EFCAB6: variants seen among roughly 807,000 people sequenced by gnomAD.
EFCAB6 encodes EF-hand calcium-binding domain-containing protein 6.
In EFCAB6, 156 loss-of-function variants were observed where a neutral mutation model predicts 169.8. The ratio of observed to expected loss-of-function variants is 0.92; its 90% CI spans 0.81 to 1.05. The LOEUF (loss-of-function observed/expected upper bound fraction) is 1.05, where lower values mean the gene tolerates loss of function less well. Ranked by LOEUF, EFCAB6 falls within the 50% of genes least tolerant of loss-of-function variation. EFCAB6 has a pLI of 0.00. For synonymous variants in EFCAB6, 698 were observed against 676.4 expected (o/e 1.03, Z -0.50); for missense variants, 1,800 against 1,829.1 (o/e 0.98, Z 0.29).
Position 43,547,723 on chromosome 22 carries a change from C to T in EFCAB6, c.3648+7146G>A, listed in dbSNP as rs144267687. Among the ~76,000 whole-genome samples the T allele has an allele frequency of 5.2e-3, 784 of 151,650 alleles. 3 individuals are homozygous for T. Among genetic ancestry groups the T allele is most frequent in the Middle Eastern group, 0.034 (10 of 292 alleles). On this transcript the variant is annotated intron_variant, in intron 27 of 31. Coordinates refer to ENST00000262726, the MANE Select transcript of EFCAB6 (RefSeq NM_022785.4). ...GAGGTTGTAGTGAGCCGTGATCATGCCACTGCACTCAAGCCTGGGGAAAAA... is the reference window on the plus strand; with the variant it reads ...GAGGTTGTAGTGAGCCGTGATCATGTCACTGCACTCAAGCCTGGGGAAAAA...
chr22:43,607,575 C>T (rs2053012801), intron 22 of EFCAB6, among the ~76,000 whole-genome samples: 1 of 152,224 alleles, frequency 6.6e-6, no homozygotes, highest in South Asian at 2.1e-4. Flanking sequence ...TGGAACTGAT[C>T]TTTAAAAAGT....
chr22:43,539,700 A>G (rs1310837798), intron 28 of EFCAB6, among the ~76,000 whole-genome samples: 1 of 152,222 alleles, frequency 6.6e-6, no homozygotes, highest in East Asian at 1.9e-4. Context: ...AGGGACCAAG[A>G]TCACATGAGA....
intron 17 of EFCAB6, among the ~76,000 whole-genome samples, chr22:43,656,800 GC>G (rs1467758443): frequency 1.5e-5 from 2 of 135,778 alleles, no homozygotes; most frequent in Non-Finnish European, 3.3e-5. Context: ...ATACCACATA[GC>G]TTAGCTGTGT....
intron 13 of EFCAB6, 74 bp downstream of exon 13, chr22:43,677,922 G>T: frequency 2.8e-6 from 4 of 1,409,384 alleles, no homozygotes; most frequent in Non-Finnish European, 3.9e-6. Flanking sequence ...TATTTCACTT[G>T]CATCTCTTAT....
intron 17 of EFCAB6, among the ~76,000 whole-genome samples, chr22:43,666,405 G>T (rs1475310130): frequency 6.6e-6 from 1 of 152,112 alleles, no homozygotes; most frequent in Non-Finnish European, 1.5e-5. Context: ...CCGGATGAAG[G>T]GGCCACTAAT....
intron 25 of EFCAB6, among the ~76,000 whole-genome samples, chr22:43,576,855 C>T (rs1384653826): frequency 6.6e-6 from 1 of 152,220 alleles, no homozygotes; most frequent in Non-Finnish European, 1.5e-5. Context: ...CTTGCTCAAG[C>T]TCTCTTGACC....
chr22:43,741,509 T>G (rs1313817986), intron 6 of EFCAB6, among the ~76,000 whole-genome samples: 1 of 152,202 alleles, frequency 6.6e-6, no homozygotes, highest in Non-Finnish European at 1.5e-5. Flanking sequence ...CTTGCTTCAT[T>G]TTTCTTCTTA....
chr22:43,674,082 G>T (rs1001047271), intron 13 of EFCAB6, among the ~76,000 whole-genome samples: 3 of 151,866 alleles, frequency 2.0e-5, no homozygotes, highest in Non-Finnish European at 2.9e-5. Context: ...TACAGTTTTT[G>T]AATATCAATT....
intron 10 of EFCAB6, among the ~76,000 whole-genome samples, chr22:43,698,461 C>A (rs914260342): frequency 6.6e-6 from 1 of 152,190 alleles, no homozygotes; most frequent in South Asian, 2.1e-4. Flanking sequence ...ATATCCCATG[C>A]AATATAGCCT....
intron 17 of EFCAB6, among the ~76,000 whole-genome samples, chr22:43,644,338 C>T (rs2056011823): frequency 6.6e-6 from 1 of 152,094 alleles, no homozygotes; most frequent in Non-Finnish European, 1.5e-5. Flanking sequence ...GGGGAACAAG[C>T]AGGGAGGAGG....
chr22:43,666,264 C>T (rs2057243054), intron 17 of EFCAB6, among the ~76,000 whole-genome samples: 2 of 152,160 alleles, frequency 1.3e-5, no homozygotes, highest in African/African-American at 4.8e-5. Context: ...TCAGTAGCTA[C>T]CTAATCCCAT....
chr22:43,789,549 C>T (rs2062199290), intron 2 of EFCAB6, among the ~76,000 whole-genome samples: 1 of 152,182 alleles, frequency 6.6e-6, no homozygotes, highest in Admixed American at 6.5e-5. Context: ...TGCTTACCAT[C>T]AGCCAGGCTC....
chr22:43,797,310 T>C (rs1363360343), intron 2 of EFCAB6: 3 of 152,586 alleles, frequency 2.0e-5, no homozygotes, highest in Non-Finnish European at 2.9e-5. Flanking sequence ...TGCTATTTCG[T>C]TTCATGCCCT....
chr22:43,569,067 G>A (rs759022760), intron 26 of EFCAB6, among the ~76,000 whole-genome samples: 4 of 152,186 alleles, frequency 2.6e-5, no homozygotes, highest in Non-Finnish European at 4.4e-5. Flanking sequence ...ACTTCCGGCA[G>A]AGCTTGCCTG....
chr22:43,811,301 G>A (rs1001645769), intron 1 of EFCAB6, among the ~76,000 whole-genome samples: 1 of 130,030 alleles, frequency 7.7e-6, no homozygotes, highest in East Asian at 2.8e-4. Flanking sequence ...CGAGGGGAGG[G>A]AAGGGGAGGG....
intron 10 of EFCAB6, among the ~76,000 whole-genome samples, chr22:43,700,921 T>C (rs890064463): frequency 3.7e-4 from 57 of 152,230 alleles, no homozygotes; most frequent in African/African-American, 1.4e-3. Flanking sequence ...AGAGCTACTA[T>C]AAATATTTGT....
intron 17 of EFCAB6, among the ~76,000 whole-genome samples, chr22:43,664,906 A>C (rs2057174953): frequency 6.6e-6 from 1 of 152,112 alleles, no homozygotes; most frequent in African/African-American, 2.4e-5. Flanking sequence ...GGGTGGAAGC[A>C]GGGAGGCAGT....
At chr22:43,725,134 CTTTT>C (rs33983375) in intron 8 of EFCAB6, among the ~76,000 whole-genome samples, 2 of 94,694 alleles carry the variant, frequency 2.1e-5, no homozygotes, top group Non-Finnish European at 4.1e-5. Flanking sequence ...GCCAAACTGG[CTTTT>C]TTTTTTTTTT....
At chr22:43,722,331 C>G (rs1301506949) in intron 8 of EFCAB6, among the ~76,000 whole-genome samples, 1 of 150,940 alleles carries the variant, frequency 6.6e-6, no homozygotes, top group East Asian at 2.0e-4. Flanking sequence ...TCGAGACCAT[C>G]CTGGCTAACA....
Sources: allele counts gnomAD v4.1 joint callset (sites outside exome capture counted in the v4.1 genomes callset), GRCh38; gene constraint gnomAD v4.1.1; transcripts MANE v1.5; gene names NCBI Gene and HGNC (gene_info 2026-07-23, HGNC 2026-07-21).